Variants in CATSPERE observed in about 807,000 individuals in gnomAD.
The protein encoded by CATSPERE is catsper channel auxiliary subunit epsilon.
CATSPERE carries 93 observed loss-of-function variants against 114.1 expected under a neutral mutation model. That is an observed-to-expected ratio of 0.81 (90% CI 0.69 to 0.97). CATSPERE has a LOEUF of 0.97. CATSPERE is among the 50% of genes least tolerant of loss of function. The pLI is 0.00. For missense variants in CATSPERE, 1,058 were observed against 1,131.6 expected, an observed-to-expected ratio of 0.93 and a Z score of 0.93; for synonymous variants, 341 against 384.1, an observed-to-expected ratio of 0.89 and a Z score of 1.31.
At position 244,606,560 on chromosome 1, in the gene CATSPERE, G is replaced by C. The variant is rs566972054; in HGVS notation, c.2403+766G>C. On this transcript the variant is annotated intron_variant, in intron 18 of 21. Transcript: ENST00000366534. ...TCTAGATGGCAGCCAAGAGAACTGA[G>C]TTCCACCTGCCATCCCCCAGAGTAT... 2.7e-5 allele frequency among the ~76,000 whole-genome samples: 4 copies of C among 150,280 alleles called. No homozygotes were observed. In the East Asian group the frequency reaches 5.9e-4, roughly 22 times the overall value.
chr1:244,567,135 G>A (rs1005292658), intron 10 of CATSPERE, among the ~76,000 whole-genome samples: 1 of 152,166 alleles, frequency 6.6e-6, no homozygotes, highest in Non-Finnish European at 1.5e-5. Flanking sequence ...GAAATTCTAT[G>A]TTGAAAATTC....
intron 20 of CATSPERE, among the ~76,000 whole-genome samples, chr1:244,625,498 G>A (rs1381883374): frequency 9.4e-5 from 12 of 128,142 alleles, no homozygotes; most frequent in Admixed American, 3.5e-4. Flanking sequence ...GTGCGATCTC[G>A]GCTCACTGCA....
intron 12 of CATSPERE, 131 bp from the exon 13 acceptor site, chr1:244,583,733 C>T: frequency 1.4e-6 from 1 of 692,356 alleles, no homozygotes; most frequent in Admixed American, 2.6e-5. Context: ...CACCATCCTC[C>T]AGGCCTCTAG....
At position 244,544,339 on chromosome 1, in the gene CATSPERE, A is replaced by G. The variant is rs186417551; in HGVS notation, c.537-7983A>G. Among the ~76,000 whole-genome samples the G allele has an allele frequency of 2.1e-4, 32 of 152,296 alleles. No homozygotes were observed. The East Asian group carries it at 5.8e-3, about 28-fold the overall frequency. ...ACTGACACTGATTCCAGGAGATCCA[A>G]AATGTCACCATGGGCCTCTATCAGA... On this transcript the variant is annotated intron_variant, in intron 8 of 21. Coordinates refer to ENST00000366534, the MANE Select transcript of CATSPERE (RefSeq NM_001130957.2).
chr1:244,496,717 G>T (rs1033290043), intron 6 of CATSPERE, among the ~76,000 whole-genome samples: 2 of 152,060 alleles, frequency 1.3e-5, no homozygotes, highest in African/African-American at 4.8e-5. Flanking sequence ...TACTTTTTCA[G>T]AACTAGACAA....
chr1:244,569,979 T>C (rs78393268), intron 10 of CATSPERE, among the ~76,000 whole-genome samples: 3,365 of 152,322 alleles, frequency 0.022, 51 homozygotes, highest in Middle Eastern at 0.051. Flanking sequence ...AGAAGGACTT[T>C]TCTGTTTTTT....
At chr1:244,485,953 C>G (rs748798275) in intron 5 of CATSPERE, among the ~76,000 whole-genome samples, 2 of 151,802 alleles carry the variant, frequency 1.3e-5, no homozygotes, top group Non-Finnish European at 2.9e-5. Flanking sequence ...GCCTTGGCCT[C>G]CAAAAGCACT....
intron 10 of CATSPERE, among the ~76,000 whole-genome samples, chr1:244,571,764 T>A (rs1664498493): frequency 6.6e-6 from 1 of 152,176 alleles, no homozygotes; most frequent in South Asian, 2.1e-4. Flanking sequence ...GAGGCCTCAG[T>A]TCCTGGCTTG....
At chr1:244,458,530 A>G (rs975827378), upstream of CATSPERE, among the ~76,000 whole-genome samples, 17 of 150,926 alleles carry the variant, frequency 1.1e-4, no homozygotes, top group East Asian at 1.9e-4. Context: ...GGAATGGAGG[A>G]AAAAAAAACA....
intron 4 of CATSPERE, among the ~76,000 whole-genome samples, chr1:244,478,857 G>A (rs1031315459): frequency 2.0e-5 from 3 of 151,542 alleles, no homozygotes; most frequent in Non-Finnish European, 2.9e-5. Flanking sequence ...GTGAAACCCC[G>A]TCTCTGCTAA....
At chr1:244,490,268 T>C (rs1036917152) in intron 5 of CATSPERE, among the ~76,000 whole-genome samples, 179 bp from the exon 6 acceptor site, 1 of 152,226 alleles carries the variant, frequency 6.6e-6, no homozygotes, top group Admixed American at 6.5e-5. Flanking sequence ...AGTAACGATA[T>C]TGATAAATAA....
rs189007812 is a variant in CATSPERE, at chr1:244,481,781, C to T, written c.326+1997C>T. 9.7e-4 allele frequency among the ~76,000 whole-genome samples: 148 copies of T among 152,266 alleles called. 1 individual carries two copies. The highest frequency in any genetic ancestry group is 3.2e-3 in the African/African-American group (133 of 41,548). ...GCCCAAAGAGTTCCTTTTTCCCTTC[C>T]GCCATGCGAGGACCCAGTGAGAAGA... is the stretch of plus-strand genomic sequence containing the variant. On this transcript the variant is annotated intron_variant, in intron 5 of 21. Transcript: ENST00000366534.
intron 20 of CATSPERE, among the ~76,000 whole-genome samples, chr1:244,624,815 A>G (rs550963411): frequency 2.6e-5 from 4 of 152,152 alleles, no homozygotes; most frequent in Non-Finnish European, 4.4e-5. Context: ...AAAAAAAAAA[A>G]GAAACCACTT....
intron 21 of CATSPERE, among the ~76,000 whole-genome samples, chr1:244,639,487 C>T (rs976275025): frequency 1.3e-5 from 2 of 152,088 alleles, no homozygotes; most frequent in Admixed American, 6.5e-5. Context: ...GTCAGGAGTT[C>T]GAGACCAGCC....
At chr1:244,583,622 T>C (rs543198750) in intron 12 of CATSPERE, among the ~76,000 whole-genome samples, 1 of 152,244 alleles carries the variant, frequency 6.6e-6, no homozygotes, top group East Asian at 1.9e-4. Flanking sequence ...GCATTAACCC[T>C]ATGGTGGCCA....
At chr1:244,463,850 C>A in intron 1 of CATSPERE, 58 bp from the exon 2 acceptor site, 1 of 1,402,276 alleles carries the variant, frequency 7.1e-7, no homozygotes, top group South Asian at 1.2e-5. Flanking sequence ...TGTAGAGAAT[C>A]CTCATATTTG....
chr1:244,621,307 A>T (rs1196760668), intron 20 of CATSPERE, among the ~76,000 whole-genome samples: 7 of 52,326 alleles, frequency 1.3e-4, no homozygotes, highest in African/African-American at 4.2e-4. Context: ...AAATATATAA[A>T]TATATAAAAT....
At chr1:244,557,239 T>G (rs993803645) in intron 9 of CATSPERE, among the ~76,000 whole-genome samples, 1 of 151,882 alleles carries the variant, frequency 6.6e-6, no homozygotes, top group Non-Finnish European at 1.5e-5. Flanking sequence ...AGGATTGTTT[T>G]TTCTATTTCT....
At chr1:244,637,923 C>T (rs1408344567) in intron 21 of CATSPERE, among the ~76,000 whole-genome samples, 2 of 152,208 alleles carry the variant, frequency 1.3e-5, no homozygotes, top group Non-Finnish European at 2.9e-5. Flanking sequence ...ACATCTACAT[C>T]CATCCTCTCC....
Sources: gnomAD v4.1 joint callset for allele counts (sites outside exome capture counted in the v4.1 genomes callset) on GRCh38, gnomAD v4.1.1 for gene constraint, MANE v1.5 for transcripts, NCBI Gene and HGNC (gene_info 2026-07-23, HGNC 2026-07-21) for gene names.